Variants in ERC2 observed in about 807,000 individuals in gnomAD.
ERC2 encodes ERC protein 2.
A neutral mutation model predicts 114.8 loss-of-function variants in ERC2; 42 were observed. The observed-to-expected ratio is 0.37, with a 90% CI of 0.29 to 0.47. The LOEUF is 0.47. Ranked by LOEUF, ERC2 falls within the 20% of genes least tolerant of loss-of-function variation. The pLI is 0.99. For missense variants in ERC2, 939 were observed against 1,150.7 expected (o/e 0.82, Z 2.66); for synonymous variants, 454 against 425.5 (o/e 1.07, Z -0.82).
chr3:56,279,672 C>A (rs1193892037), intron 3 of ERC2, among the ~76,000 whole-genome samples: 1 of 152,140 alleles, frequency 6.6e-6, no homozygotes, highest in Non-Finnish European at 1.5e-5. Flanking sequence ...GTCCTTCGGG[C>A]AATGCAGGGT....
In ERC2 at chr3:55,836,753, T is replaced by C. The variant is rs537147996; in HGVS notation, c.2564+51636A>G. 8.5e-3 allele frequency among the ~76,000 whole-genome samples: 1,295 copies of C among 152,080 alleles called. 25 individuals are homozygous for C. The highest frequency in any genetic ancestry group is 0.03 in the African/African-American group (1,237 of 41,468). On this transcript the variant is annotated intron_variant, in intron 14 of 17. Coordinates refer to ENST00000288221, the MANE Select transcript of ERC2 (RefSeq NM_015576.3). ...GGCAACAAAAGCCAAAATTGACAAA[T>C]GGGATCTAATTAAACTAAAGAGCTT...
chr3:55,830,518 T>C (rs938277971), intron 14 of ERC2, among the ~76,000 whole-genome samples: 2 of 152,188 alleles, frequency 1.3e-5, no homozygotes, highest in Non-Finnish European at 2.9e-5. Flanking sequence ...TATAATACAT[T>C]TGACAAATAG....
chr3:55,517,069 T>C (rs933353644), intron 17 of ERC2, among the ~76,000 whole-genome samples: 1 of 152,206 alleles, frequency 6.6e-6, no homozygotes, highest in South Asian at 2.1e-4. Context: ...CCTAAACCTG[T>C]CTTTTGTGTC....
chr3:55,820,965 T>C (rs2060099589), intron 14 of ERC2, among the ~76,000 whole-genome samples: 1 of 152,080 alleles, frequency 6.6e-6, no homozygotes, highest in Non-Finnish European at 1.5e-5. Context: ...CCTTGGCTGC[T>C]TGTTCAGTGT....
intron 3 of ERC2, among the ~76,000 whole-genome samples, chr3:56,291,441 C>G (rs1284121345): frequency 6.6e-6 from 1 of 152,166 alleles, no homozygotes. Flanking sequence ...TCACACTCAG[C>G]CTTTTCCAGA....
chr3:55,736,255 A>G (rs759258626), intron 14 of ERC2, among the ~76,000 whole-genome samples: 3 of 152,170 alleles, frequency 2.0e-5, no homozygotes, highest in Non-Finnish European at 2.9e-5. Flanking sequence ...ACATTACGCT[A>G]ATCAGCCATG....
At chr3:56,213,597 T>A (rs1194167050) in intron 3 of ERC2, among the ~76,000 whole-genome samples, 2 of 152,146 alleles carry the variant, frequency 1.3e-5, no homozygotes, top group Non-Finnish European at 2.9e-5. Context: ...GGGCAGAGCA[T>A]AGCCAAACAA....
At chr3:56,409,567 A>G (rs933811159) in intron 2 of ERC2, among the ~76,000 whole-genome samples, 1 of 152,124 alleles carries the variant, frequency 6.6e-6, no homozygotes, top group Non-Finnish European at 1.5e-5. Flanking sequence ...TGATATTTAA[A>G]TGAACTGATC....
chr3:56,265,666 A>G (rs56135751), intron 3 of ERC2, among the ~76,000 whole-genome samples: 34,279 of 152,098 alleles, frequency 0.23, 4,566 homozygotes, highest in Non-Finnish European at 0.29. Context: ...AAGGCAGCCT[A>G]TGGATTGGGA....
chr3:56,007,408 C>A (rs2072581547), intron 9 of ERC2, 87 bp from the exon 10 acceptor site: 1 of 1,195,276 alleles, frequency 8.4e-7, no homozygotes, highest in East Asian at 2.5e-5. Context: ...CTATACATAG[C>A]AATAAAGTGT....
intron 2 of ERC2, among the ~76,000 whole-genome samples, chr3:56,300,935 T>C (rs998304298): frequency 3.9e-5 from 6 of 152,084 alleles, no homozygotes; most frequent in Non-Finnish European, 5.9e-5. Context: ...ATAACAGAAA[T>C]AGAAATTCTC....
intron 13 of ERC2, among the ~76,000 whole-genome samples, chr3:55,947,428 T>G (rs575876402): frequency 1.3e-5 from 2 of 152,362 alleles, no homozygotes; most frequent in African/African-American, 4.8e-5. Flanking sequence ...CCGTACATTT[T>G]TGTCTTTGTG....
chr3:56,162,440 T>C (rs2082097580), intron 4 of ERC2, among the ~76,000 whole-genome samples: 1 of 152,202 alleles, frequency 6.6e-6, no homozygotes, highest in African/African-American at 2.4e-5. Flanking sequence ...TTGCTATAGT[T>C]CCAGTAAAAC....
At chr3:55,750,372 T>G (rs1026747940) in intron 14 of ERC2, among the ~76,000 whole-genome samples, 1 of 152,160 alleles carries the variant, frequency 6.6e-6, no homozygotes. Flanking sequence ...CCTTGTAAAG[T>G]TGAGTAAACT....
At chr3:55,683,688 C>T (rs1317156992) in intron 17 of ERC2, 106 bp downstream of exon 17, 1 of 944,402 alleles carries the variant, frequency 1.1e-6, no homozygotes, top group South Asian at 1.7e-5. Context: ...CAGTAGCAAA[C>T]ACAGGGCACA....
Position 55,637,223 on chromosome 3 carries a change from G to A in ERC2, c.*39+46571C>T, listed in dbSNP as rs562086555. On this transcript the variant is annotated intron_variant, in intron 17 of 17. Coordinates refer to ENST00000288221, the MANE Select transcript of ERC2 (RefSeq NM_015576.3). ...CTCCTTTGTCCAAATCCTCAGAGTT[G>A]GGGATAGAAACTTTCTCATCTATGT... Among the ~76,000 whole-genome samples the A allele has an allele frequency of 2.0e-5, 3 of 152,176 alleles. No homozygotes were observed. The South Asian group carries it at 6.2e-4, about 32-fold the overall frequency.
At chr3:56,274,104 C>T (rs2150303539) in intron 3 of ERC2, among the ~76,000 whole-genome samples, 1 of 152,316 alleles carries the variant, frequency 6.6e-6, no homozygotes, top group Non-Finnish European at 1.5e-5. Flanking sequence ...GACCACATGG[C>T]AGGAGGTGAG....
At chr3:55,953,985 C>T (rs1391191776) in intron 12 of ERC2, among the ~76,000 whole-genome samples, 2 of 149,586 alleles carry the variant, frequency 1.3e-5, no homozygotes, top group African/African-American at 4.9e-5. Flanking sequence ...GACTGCAATG[C>T]CTTCTTACTA....
chr3:55,683,744 C>T, intron 17 of ERC2, 50 bp downstream of exon 17: 1 of 1,458,980 alleles, frequency 6.9e-7, no homozygotes, highest in Non-Finnish European at 9.5e-7. Context: ...CACAATACAA[C>T]ACTAGAATGC....
Sources: allele counts gnomAD v4.1 joint callset (sites outside exome capture counted in the v4.1 genomes callset), GRCh38; gene constraint gnomAD v4.1.1; transcripts MANE v1.5; gene names NCBI Gene and HGNC (gene_info 2026-07-23, HGNC 2026-07-21).